POLRMT: variants seen among roughly 807,000 people sequenced by gnomAD.
The protein encoded by POLRMT is RNA polymerase mitochondrial, also known as DNA-directed RNA polymerase, mitochondrial.
Under a neutral mutation model 132.2 loss-of-function variants are expected in POLRMT, and 114 were observed. That is an observed-to-expected ratio of 0.86 (90% CI 0.74 to 1.01). POLRMT has a LOEUF of 1.01. POLRMT is among the 50% of genes least tolerant of loss of function. POLRMT has a pLI of 0.00. For synonymous variants in POLRMT, 1,020 were observed against 773.4 expected (o/e 1.32, Z -5.29); for missense variants, 2,003 against 1,729.1 (o/e 1.16, Z -2.81).
In POLRMT at chr19:618,494, C is replaced by T. The variant is rs1424560287; in HGVS notation, c.3416G>A (p.Cys1139Tyr). 3 of 1,603,450 alleles carry T rather than the reference C, an allele frequency of 1.9e-6. No individual in the cohort carries two copies. Among genetic ancestry groups the T allele is most frequent in the Non-Finnish European group, 2.6e-6 (3 of 1,172,136 alleles). ...GCCGTCCGGAGACGCCCACCTGTAG[C>T]AGTGCAGGGCGGTGAGCATCATGTG... ...SSHMMLTALH[C>Y]YRKGLTFVSV... The change falls in exon 17 of 21, where the codon TGC becomes TAC. Residue 1139 changes from cysteine to tyrosine, a missense_variant. Transcript: ENST00000588649.
chr19:624,905 C>G lies in POLRMT; in HGVS notation c.954G>C (p.Arg318Ser), dbSNP rs1984913460. 8 of 1,604,338 alleles carry G rather than the reference C, an allele frequency of 5.0e-6. No individual in the cohort carries two copies. In the East Asian group the frequency reaches 1.8e-4, roughly 36 times the overall value. The change falls in exon 5 of 21, where the codon AGG becomes AGC. Residue 318 changes from arginine (R) to serine (S), a missense_variant and splice_region_variant. Transcript: ENST00000588649. ...CCTCCTGGCTCATCTGTTCCAGACA[C>G]CTGTGGTGCAGGCGGCCTGCTCGAG... Reference protein sequence around the residue: ...RQDQDAGTIERCLEQMSQEGL... With the variant: ...RQDQDAGTIESCLEQMSQEGL...
Position 617,802 on chromosome 19 carries a change from G to A in POLRMT, c.3470C>T (p.Ala1157Val), listed in dbSNP as rs769327958. Residue 1157 changes from alanine (A) to valine (V), a missense_variant, in exon 18 of 21, where the codon GCA becomes GTA. Transcript: ENST00000588649. ...VSVHDCYWTH[A>V]ADVSVMNQVC... The stretch of plus-strand genomic sequence containing the variant: ...CTGGTTCATGACGGAGACATCAGCT[G>A]CGTGAGTCCAGTAACAGTCGTGCAC... The A allele has an allele frequency of 1.0e-4, 164 of 1,613,250 alleles. No individual in the cohort carries two copies. The highest frequency in any genetic ancestry group is 1.3e-4 in the Non-Finnish European group (158 of 1,179,928).
In POLRMT at chr19:620,506, G is replaced by A; in HGVS notation, c.2641-19C>T. On this transcript the variant is annotated intron_variant, in intron 10 of 20. Coordinates refer to ENST00000588649, the MANE Select transcript of POLRMT (RefSeq NM_005035.4). ...TTCGGCCCTGCGGGGACAGCGGATG[G>A]GGGGCAGTGAGGCCCGGGCCCGATC... 1.3e-6 allele frequency: 2 copies of A among 1,554,208 alleles called. No individual in the cohort carries two copies. The highest frequency in any genetic ancestry group is 8.7e-7 in the Non-Finnish European group (1 of 1,148,270).
At chr19:629,172 C>A (rs1227768640) in intron 3 of POLRMT, among the ~76,000 whole-genome samples, 1 of 152,090 alleles carries the variant, frequency 6.6e-6, no homozygotes, top group African/African-American at 2.4e-5. Flanking sequence ...AGCAGCCCGA[C>A]CTTCCACCTC....
Position 617,477 on chromosome 19 carries a change from G to C in POLRMT, c.3585C>G (p.Pro1195=), listed in dbSNP as rs1402199338. Residue 1195 remains proline, a synonymous_variant, in exon 20 of 21, where the codon CCC becomes CCG. Coordinates refer to ENST00000588649, the MANE Select transcript of POLRMT (RefSeq NM_005035.4). The part of the protein sequence containing the change: ...RFLVKRFCSE[P]QKILEASQLK... ...GCTGGCTGGCCTCCAAGATCTTCTG[G>C]GGCCTGGGGTTGGAAGCAGGGTGGG... 8 of 1,611,574 alleles carry C rather than the reference G, an allele frequency of 5.0e-6. No individual in the cohort carries two copies. Among genetic ancestry groups the C allele is most frequent in the Non-Finnish European group, 5.9e-6 (7 of 1,179,786 alleles).
At chr19:625,328 C>A (rs1022400415) in intron 3 of POLRMT, 74 bp from the exon 4 acceptor site, 37 of 1,582,922 alleles carry the variant, frequency 2.3e-5, no homozygotes, top group Non-Finnish European at 3.1e-5. Flanking sequence ...CCTGGAGACC[C>A]CTTCTCTGTA....
chr19:619,608 C>T lies in POLRMT; in HGVS notation c.3044G>A (p.Arg1015Gln), dbSNP rs1255150529. The T allele has an allele frequency of 6.8e-6, 11 of 1,610,988 alleles. No homozygotes were observed. Among genetic ancestry groups the T allele is most frequent in the South Asian group, 3.3e-5 (3 of 91,016 alleles). Residue 1015 changes from arginine (R) to glutamine (Q), a missense_variant, in exon 13 of 21, where the codon CGG (arginine) becomes CAG (glutamine). By Grantham distance (43) the Arg-to-Gln change is conservative. Transcript: ENST00000588649. ...GGRLQIEKRL[R>Q]ELSDFPQEFV... ...CACCTGGGGAAAGTCGCTCAGCTCCCGGAGGCGCTTCTCAATCTGCAGGCG... is the reference window on the plus strand; with the variant it reads ...CACCTGGGGAAAGTCGCTCAGCTCCTGGAGGCGCTTCTCAATCTGCAGGCG...
rs533598307 is a variant in POLRMT, at chr19:633,434, C to A, written c.79G>T (p.Gly27Cys). The A allele has an allele frequency of 2.1e-5, 32 of 1,547,494 alleles. No individual in the cohort carries two copies. In the East Asian group the frequency reaches 7.5e-4, roughly 36 times the overall value. ...TCTCCCTTTGTGTTACCTTCTTTGC[C>A]GGGGAGTCCCGGGCGGCCGCAAGGC... The part of the protein sequence containing the change: ...LRPCGRPGLP[G>C]KEGTAGGVCG... The change falls in exon 1 of 21, where the codon GGC becomes TGC. Residue 27 changes from glycine to cysteine, a missense_variant. Physicochemically the swap from Gly to Cys is radical, Grantham distance 159. Transcript: ENST00000588649.
chr19:632,065 A>G (rs1037247690), intron 2 of POLRMT, among the ~76,000 whole-genome samples: 9 of 148,958 alleles, frequency 6.0e-5, no homozygotes, highest in South Asian at 2.1e-4. Context: ...GAGCCACCGC[A>G]CCAGGCCTCG....
chr19:622,785 C>T (rs1432310931), intron 7 of POLRMT, 33 bp from the exon 8 acceptor site: 2 of 1,570,212 alleles, frequency 1.3e-6, no homozygotes, highest in Non-Finnish European at 1.7e-6. Context: ...CCTGCCCGCC[C>T]CGCCCGGGGA....
chr19:623,572 A>G lies in POLRMT; in HGVS notation c.1172T>C (p.Leu391Pro). The G allele has an allele frequency of 6.2e-7, 1 of 1,613,712 alleles. No homozygotes were observed. ...GAGGCACTGCAGGGTCTTCAAGGGCAGGTGCAGCTTCGGGTAGGACACACG... is the reference window on the plus strand; with the variant it reads ...GAGGCACTGCAGGGTCTTCAAGGGCGGGTGCAGCTTCGGGTAGGACACACG... ...DGRVSYPKLH[L>P]PLKTLQCLFE... Residue 391 changes from leucine (L) to proline (P), a missense_variant, in exon 6 of 21, where the codon CTG (leucine) becomes CCG (proline). Transcript: ENST00000588649.
intron 2 of POLRMT, 119 bp from the exon 3 acceptor site, chr19:630,287 C>A (rs927580011): frequency 8.2e-6 from 10 of 1,213,848 alleles, no homozygotes; most frequent in African/African-American, 1.5e-5. Context: ...GGACCCAAGG[C>A]GTGAATTCCT....
Position 625,105 on chromosome 19 carries a change from C to T in POLRMT, c.953+19G>A, listed in dbSNP as rs1276042384. The T allele has an allele frequency of 1.9e-6, 3 of 1,606,572 alleles. No homozygotes were observed. In the East Asian group the frequency reaches 6.7e-5, roughly 36 times the overall value. Reference sequence around the variant, plus strand: ...GGAGGGACATGGTGGGGGGTGGGGGCCCTCCCGACACCACCTACCTTTCGA... The same window carrying T: ...GGAGGGACATGGTGGGGGGTGGGGGTCCTCCCGACACCACCTACCTTTCGA... On this transcript the variant is annotated intron_variant, in intron 4 of 20. Coordinates refer to ENST00000588649, the MANE Select transcript of POLRMT (RefSeq NM_005035.4).
chr19:627,215 G>T (rs1042630649), intron 3 of POLRMT, among the ~76,000 whole-genome samples: 1 of 145,672 alleles, frequency 6.9e-6, no homozygotes, highest in African/African-American at 2.6e-5. Context: ...GCAGTGGCTC[G>T]ATCTCGGCTC....
chr19:627,937 A>AG (rs1036699811), intron 3 of POLRMT, among the ~76,000 whole-genome samples: 29 of 151,824 alleles, frequency 1.9e-4, no homozygotes, highest in African/African-American at 6.8e-4. Flanking sequence ...AAAAAAAAAA[A>AG]AAAAAAAGAT....
rs777067058 is a variant in POLRMT, at chr19:618,805, CGGTGGTGGTACATTGA to C, written c.3268-61_3268-46del. The C allele has an allele frequency of 2.0e-3, 3,165 of 1,553,772 alleles. 4 individuals carry two copies. Among genetic ancestry groups the C allele is most frequent in the Non-Finnish European group, 2.5e-3 (2,923 of 1,146,950 alleles). The stretch of plus-strand genomic sequence containing the variant: ...GGTGAGTCCCACCCGAGGCCCAGCA[CGGTGGTGGTACATTGA>C]GGTGGTGGTACACTGGGGTAGTGGC... On this transcript the variant is annotated intron_variant, in intron 15 of 20. Coordinates refer to ENST00000588649, the MANE Select transcript of POLRMT (RefSeq NM_005035.4).
Position 622,594 on chromosome 19 carries a change from G to C in POLRMT, c.1614C>G (p.Ala538=). 6.2e-7 allele frequency: 1 copy of C among 1,602,912 alleles called. No homozygotes were observed. Among genetic ancestry groups the C allele is most frequent in the Non-Finnish European group, 8.5e-7 (1 of 1,175,096 alleles). Residue 538 remains alanine (A), a synonymous_variant, in exon 8 of 21, where the codon GCC becomes GCG. Transcript: ENST00000588649. The stretch of plus-strand genomic sequence containing the variant: ...GTGCGAGCCTCACCTCGGCGTCGGA[G>C]GCCAGCAAGCAGAGGTACTTCCTGT... ...NHYRKYLCLL[A]SDAEVPEPCL...
At chr19:620,509 G>A (rs767316998) in intron 10 of POLRMT, 22 bp from the exon 11 acceptor site, 8 of 1,547,662 alleles carry the variant, frequency 5.2e-6, no homozygotes, top group African/African-American at 2.7e-5. Context: ...GCGGATGGGG[G>A]GCAGTGAGGC....
intron 13 of POLRMT, 76 bp downstream of exon 13, chr19:619,509 TG>T: frequency 2.6e-6 from 4 of 1,562,480 alleles, no homozygotes; most frequent in African/African-American, 1.4e-5. Flanking sequence ...GCTGGGAGGC[TG>T]GGTCGGGGGC....
Sources: allele counts gnomAD v4.1 joint callset (sites outside exome capture counted in the v4.1 genomes callset), GRCh38; gene constraint gnomAD v4.1.1; transcripts MANE v1.5; gene names NCBI Gene and HGNC (gene_info 2026-07-23, HGNC 2026-07-21).